Variants in CLIP2 observed in about 807,000 individuals in gnomAD.
The protein encoded by CLIP2 is CAP-Gly domain containing linker protein 2, also known as CAP-Gly domain-containing linker protein 2.
CLIP2 carries 41 observed loss-of-function variants against 111.7 expected under a neutral mutation model. The observed-to-expected ratio is 0.37, with a 90% CI of 0.29 to 0.48. The LOEUF (loss-of-function observed/expected upper bound fraction) is 0.48. CLIP2 is among the 20% of genes least tolerant of loss of function. The pLI is 0.99. For synonymous variants in CLIP2, 660 were observed against 644.2 expected, an observed-to-expected ratio of 1.02 and a Z score of -0.37; for missense variants, 1,160 against 1,422.1, an observed-to-expected ratio of 0.82 and a Z score of 2.96.
rs1380889993 is a variant in CLIP2, at chr7:74,289,566, G to C, written c.-236G>C. The C allele has an allele frequency of 6.6e-6, 1 of 151,728 alleles. No homozygotes were observed. The highest frequency in any genetic ancestry group is 1.9e-4 in the East Asian group (1 of 5,178). 9.4% of individuals were successfully genotyped at this position (151,728 alleles called of 1,614,324 possible). ...AGACGTGGCGCGAGGCCCGGGCCCT[G>C]AGCACCTATCGCGGGGATCCCCGGC... On this transcript the variant is annotated 5_prime_UTR_variant, in exon 1 of 17. Coordinates refer to ENST00000223398, the MANE Select transcript of CLIP2 (RefSeq NM_003388.5).
intron 10 of CLIP2, among the ~76,000 whole-genome samples, chr7:74,377,814 G>T (rs1180974826): frequency 1.3e-5 from 2 of 151,550 alleles, no homozygotes; most frequent in African/African-American, 4.9e-5. Flanking sequence ...TGAGTTTCCA[G>T]TTCCCCCACA....
chr7:74,303,741 G>A (rs568353819), intron 1 of CLIP2, among the ~76,000 whole-genome samples: 7 of 149,948 alleles, frequency 4.7e-5, no homozygotes, highest in South Asian at 2.1e-4. Context: ...GTGAAACCCC[G>A]TCTCTACTAA....
chr7:74,397,215 T>C lies in CLIP2; in HGVS notation c.2862T>C (p.Arg954=). Residue 954 remains arginine, a synonymous_variant, in exon 14 of 17, where the codon CGT becomes CGC. Transcript: ENST00000223398. ...TCAAGGATGACATCCGGGGCCTGCG[T>C]GAAAAGCTGACCGGGCTGGTATGTG... ...QKLKDDIRGL[R]EKLTGLDKEK... 1 of 1,612,596 alleles carries C rather than the reference T, an allele frequency of 6.2e-7. No homozygotes were observed. Among genetic ancestry groups the C allele is most frequent in the Non-Finnish European group, 8.5e-7 (1 of 1,179,724 alleles).
At chr7:74,386,667 C>T in intron 12 of CLIP2, 63 bp downstream of exon 12, 3 of 1,347,158 alleles carry the variant, frequency 2.2e-6, no homozygotes, top group South Asian at 1.3e-5. Context: ...CATTCAGCTG[C>T]CAATTAAGCA....
chr7:74,387,787 A>G (rs1309185135), intron 12 of CLIP2, among the ~76,000 whole-genome samples: 1 of 152,212 alleles, frequency 6.6e-6, no homozygotes, highest in Non-Finnish European at 1.5e-5. Context: ...CCAGGAGCCC[A>G]AGCAGCTGCT....
intron 2 of CLIP2, among the ~76,000 whole-genome samples, chr7:74,337,343 G>A (rs1310327698): frequency 7.2e-5 from 11 of 152,102 alleles, no homozygotes; most frequent in Admixed American, 6.6e-4. Context: ...AGAAGTCTGT[G>A]GCTGTGTCCC....
At chr7:74,325,756 C>T (rs1016355233) in intron 2 of CLIP2, among the ~76,000 whole-genome samples, 21 of 150,954 alleles carry the variant, frequency 1.4e-4, no homozygotes, top group African/African-American at 2.9e-4. Flanking sequence ...CGCTTGAACC[C>T]GGGAGGTTGA....
intron 3 of CLIP2, among the ~76,000 whole-genome samples, chr7:74,344,574 AT>A (rs1159810981): frequency 3.3e-5 from 5 of 151,044 alleles, no homozygotes; most frequent in South Asian, 2.1e-4. Flanking sequence ...TTATTTATTT[AT>A]TTTTTTTGCA....
At chr7:74,330,500 G>GA (rs1789249793) in intron 2 of CLIP2, among the ~76,000 whole-genome samples, 2 of 151,852 alleles carry the variant, frequency 1.3e-5, no homozygotes, top group Non-Finnish European at 2.9e-5. Context: ...CAGGTGATCC[G>GA]CCTGCCTTGG....
rs1790308137 is a variant in CLIP2 at position 74,360,864 on chromosome 7, TG to T, written c.1319+587del. 2.6e-5 allele frequency among the ~76,000 whole-genome samples: 4 copies of T among 152,226 alleles called. No homozygotes were observed. In the South Asian group the frequency reaches 8.3e-4, roughly 32 times the overall value. On this transcript the variant is annotated intron_variant, in intron 7 of 16. Transcript: ENST00000223398. ...GCCTTGGAACACCGCATTTGTTCAT[TG>T]CATAGAGTTCACTGTTCCTGCACTC... is the stretch of plus-strand genomic sequence containing the variant.
rs186475234 is a variant in CLIP2 at position 74,335,993 on chromosome 7, C to T, written c.122-2455C>T. On this transcript the variant is annotated intron_variant, in intron 2 of 16. Transcript: ENST00000223398. ...TCCTGACCTCGTGATCCGCCCGCCT[C>T]GGCCTCCCAAAGTGCTGGGATTACA... Among the ~76,000 whole-genome samples the T allele has an allele frequency of 1.8e-3, 207 of 117,012 alleles. 2 individuals are homozygous for T. The highest frequency in any genetic ancestry group is 3.9e-3 in the East Asian group (17 of 4,388). The allele number at this position is 117,012 out of a possible 152,430, so 76.8% of individuals were successfully genotyped here.
At chr7:74,389,452 G>A (rs782426277) in intron 13 of CLIP2, 193 bp downstream of exon 13, 4 of 533,192 alleles carry the variant, frequency 7.5e-6, no homozygotes, top group Non-Finnish European at 1.3e-5. Context: ...TGTTTTCCAA[G>A]CAGAGCTTAT....
intron 10 of CLIP2, among the ~76,000 whole-genome samples, chr7:74,379,016 C>G (rs1343800425): frequency 1.3e-5 from 2 of 152,148 alleles, no homozygotes; most frequent in African/African-American, 4.8e-5. Context: ...GCAGAAACAG[C>G]CTGCAACTCA....
In CLIP2 at chr7:74,357,281, T is replaced by A. The variant is rs567669912; in HGVS notation, c.1019T>A (p.Leu340His). 6.2e-7 allele frequency: 1 copy of A among 1,613,888 alleles called. No individual in the cohort carries two copies. The highest frequency in any genetic ancestry group is 1.3e-5 in the African/African-American group (1 of 75,048). The stretch of plus-strand genomic sequence containing the variant: ...GCCTGCATCCACACCTTCCTGCAGC[T>A]CACGGAGACCTCTTCACGCTACGCC... ...VGGRPSRSGL[L>H]TETSSRYARK... The change falls in exon 6 of 17, where the codon CTC becomes CAC. Residue 340 changes from leucine (L) to histidine (H), a missense_variant and splice_region_variant. Physicochemically the swap from Leu to His is moderately conservative, Grantham distance 99 (BLOSUM62 -3). Coordinates refer to ENST00000223398, the MANE Select transcript of CLIP2 (RefSeq NM_003388.5).
chr7:74,342,549 G>A (rs1789686775), intron 3 of CLIP2, among the ~76,000 whole-genome samples: 1 of 152,196 alleles, frequency 6.6e-6, no homozygotes. Flanking sequence ...GGAAGCTGCA[G>A]CTGTGTGACA....
At chr7:74,315,519 A>G (rs988186137) in intron 1 of CLIP2, among the ~76,000 whole-genome samples, 1 of 152,080 alleles carries the variant, frequency 6.6e-6, no homozygotes, top group Admixed American at 6.6e-5. Context: ...TGCTGGGATT[A>G]CAGACATGAG....
At chr7:74,385,359 G>A (rs1287655732) in intron 11 of CLIP2, among the ~76,000 whole-genome samples, 1 of 151,442 alleles carries the variant, frequency 6.6e-6, no homozygotes, top group Non-Finnish European at 1.5e-5. Context: ...TCAGCTACTC[G>A]GGAGGCTGAG....
chr7:74,329,629 A>C (rs1789219104), intron 2 of CLIP2, among the ~76,000 whole-genome samples: 1 of 152,134 alleles, frequency 6.6e-6, no homozygotes, highest in African/African-American at 2.4e-5. Context: ...TGGAACATTT[A>C]AGAAGGAACC....
chr7:74,360,384 A>C, intron 7 of CLIP2, 106 bp downstream of exon 7: 1 of 761,884 alleles, frequency 1.3e-6, no homozygotes, highest in Non-Finnish European at 2.2e-6. Context: ...TGCCCCTGTC[A>C]CTGCCTCTGG....
Sources: gnomAD v4.1 joint callset for allele counts (sites outside exome capture counted in the v4.1 genomes callset) on GRCh38, gnomAD v4.1.1 for gene constraint, MANE v1.5 for transcripts, NCBI Gene and HGNC (gene_info 2026-07-23, HGNC 2026-07-21) for gene names.